Variants in LCORL observed in about 807,000 individuals in gnomAD.
LCORL encodes ligand dependent nuclear receptor corepressor like.
Under a neutral mutation model 141.8 loss-of-function variants are expected in LCORL, and 41 were observed. That is an observed-to-expected ratio of 0.29 (90% CI 0.23 to 0.38). LCORL has a LOEUF of 0.38. Among genes scored for constraint, LCORL ranks in the 10% least tolerant of loss-of-function variants. The pLI is 1.00. For missense variants in LCORL, 1,759 were observed against 2,035.0 expected (o/e 0.86, Z 2.61); for synonymous variants, 618 against 694.1 (o/e 0.89, Z 1.72).
chr4:18,008,471 C>T (rs1723160122), intron 1 of LCORL, among the ~76,000 whole-genome samples: 1 of 152,174 alleles, frequency 6.6e-6, no homozygotes, highest in Admixed American at 6.5e-5. Flanking sequence ...AACAATCTGA[C>T]CAGAAAGGAT....
intron 4 of LCORL, among the ~76,000 whole-genome samples, chr4:17,947,799 T>C (rs1380000511): frequency 1.3e-5 from 2 of 152,040 alleles, no homozygotes; most frequent in Admixed American, 6.6e-5. Flanking sequence ...ATATAGGTTT[T>C]AGTTTCTTAT....
chr4:18,009,247 A>G (rs932446048), intron 1 of LCORL, among the ~76,000 whole-genome samples: 1 of 152,010 alleles, frequency 6.6e-6, no homozygotes, highest in Non-Finnish European at 1.5e-5. Context: ...CTTCTCAGAC[A>G]ATGAGAAGCC....
chr4:17,874,929 T>C, exon 7 of LCORL: 2 of 1,233,758 alleles, frequency 1.6e-6, no homozygotes, highest in Non-Finnish European at 2.0e-6. Flanking sequence ...GAGCAGAGCG[T>C]TTCTATAAAT....
chr4:17,881,774 T>G, intron 6 of LCORL: 1 of 979,098 alleles, frequency 1.0e-6, no homozygotes, highest in Non-Finnish European at 1.2e-6. Flanking sequence ...CCCAAAGTTT[T>G]CCAAGTAAAA....
intron 5 of LCORL, among the ~76,000 whole-genome samples, chr4:17,905,943 A>G (rs1242765124): frequency 1.3e-5 from 2 of 152,190 alleles, no homozygotes; most frequent in Non-Finnish European, 2.9e-5. Context: ...AAAAGGTTAA[A>G]TTCTTAAGGA....
intron 7 of LCORL, among the ~76,000 whole-genome samples, chr4:17,871,816 T>C (rs193039132): frequency 6.6e-6 from 1 of 152,150 alleles, no homozygotes; most frequent in African/African-American, 2.4e-5. Flanking sequence ...CAGGGCACTT[T>C]TTAAAGTTTT....
At chr4:17,958,704 T>C (rs1006487728) in intron 4 of LCORL, among the ~76,000 whole-genome samples, 2 of 151,968 alleles carry the variant, frequency 1.3e-5, no homozygotes, top group Non-Finnish European at 2.9e-5. Context: ...GAAGTACTAA[T>C]ACTACCGAAT....
chr4:17,848,795 A>C (rs1723244927), intron 7 of LCORL, among the ~76,000 whole-genome samples: 1 of 152,214 alleles, frequency 6.6e-6, no homozygotes, highest in African/African-American at 2.4e-5. Context: ...GGGGTGACAG[A>C]CGGCACCTGG....
chr4:17,941,852 A>T (rs918867014), intron 4 of LCORL, among the ~76,000 whole-genome samples: 3 of 145,210 alleles, frequency 2.1e-5, no homozygotes, highest in Non-Finnish European at 4.6e-5. Context: ...CCATGATAGA[A>T]TTTTTTTTTT....
chr4:17,986,274 G>A (rs1015163346), intron 1 of LCORL, among the ~76,000 whole-genome samples: 1 of 152,142 alleles, frequency 6.6e-6, no homozygotes, highest in Non-Finnish European at 1.5e-5. Flanking sequence ...GGGGTTCTCT[G>A]TATCTTCTGA....
At chr4:17,951,346 T>TTAAAA (rs1739695941) in intron 4 of LCORL, among the ~76,000 whole-genome samples, 1 of 152,222 alleles carries the variant, frequency 6.6e-6, no homozygotes. Context: ...TCTTCCTGCT[T>TTAAAA]TAAAATGCTA....
At chr4:17,958,220 A>G (rs1713061806) in intron 4 of LCORL, among the ~76,000 whole-genome samples, 1 of 151,840 alleles carries the variant, frequency 6.6e-6, no homozygotes, top group South Asian at 2.1e-4. Context: ...CAAATCCATC[A>G]AGAAGGTCCT....
intron 7 of LCORL, among the ~76,000 whole-genome samples, chr4:17,854,142 T>C (rs370740811): frequency 6.6e-5 from 10 of 152,222 alleles, no homozygotes; most frequent in African/African-American, 2.4e-4. Context: ...GGAAGATTTG[T>C]AGAGCTCGAG....
intron 1 of LCORL, among the ~76,000 whole-genome samples, chr4:17,979,084 TC>T (rs1387446487): frequency 6.6e-6 from 1 of 152,126 alleles, no homozygotes; most frequent in Non-Finnish European, 1.5e-5. Flanking sequence ...TGTGTTATGT[TC>T]CCCTTCCTGT....
intron 7 of LCORL, among the ~76,000 whole-genome samples, chr4:17,859,471 G>A (rs1160943627): frequency 6.6e-6 from 1 of 152,146 alleles, no homozygotes; most frequent in African/African-American, 2.4e-5. Flanking sequence ...AAGGCAGAGT[G>A]AATTAATCAA....
intron 1 of LCORL, among the ~76,000 whole-genome samples, chr4:18,009,924 C>T (rs1723429142): frequency 6.6e-6 from 1 of 152,132 alleles, no homozygotes; most frequent in South Asian, 2.1e-4. Context: ...CCACGCACCC[C>T]ACCCAGTGTG....
At chr4:18,002,748 T>C (rs1207920120) in intron 1 of LCORL, among the ~76,000 whole-genome samples, 3 of 152,236 alleles carry the variant, frequency 2.0e-5, no homozygotes, top group African/African-American at 7.2e-5. Flanking sequence ...TTTTTGTACA[T>C]ATTTAAAATT....
intron 4 of LCORL, among the ~76,000 whole-genome samples, chr4:17,948,190 T>A (rs533309334): frequency 6.6e-6 from 1 of 152,112 alleles, no homozygotes; most frequent in Admixed American, 6.5e-5. Context: ...TTAAGTAGAA[T>A]CAATAGGATT....
At chr4:17,898,278 T>C (rs1200635463) in intron 5 of LCORL, among the ~76,000 whole-genome samples, 1 of 152,192 alleles carries the variant, frequency 6.6e-6, no homozygotes, top group Non-Finnish European at 1.5e-5. Context: ...TAAAATCACT[T>C]GATATAATTC....
Sources: gnomAD v4.1 joint callset for allele counts (sites outside exome capture counted in the v4.1 genomes callset) on GRCh38, gnomAD v4.1.1 for gene constraint, MANE v1.5 for transcripts, NCBI Gene and HGNC (gene_info 2026-07-23, HGNC 2026-07-21) for gene names.